The following TTC17 variants were observed in gnomAD, a reference collection of about 807,000 sequenced individuals.
The protein encoded by TTC17 is tetratricopeptide repeat protein 17.
TTC17 carries 58 observed loss-of-function variants against 143.8 expected under a neutral mutation model. The observed-to-expected ratio is 0.40, with a 90% CI of 0.33 to 0.50. TTC17 has a LOEUF of 0.50. Ranked by LOEUF, TTC17 falls within the 20% of genes least tolerant of loss-of-function variation. The probability of loss-of-function intolerance (pLI) is 0.49; values close to 1 mark genes in which losing one functional copy is unlikely to be tolerated. For synonymous variants in TTC17, 501 were observed against 497.8 expected, an observed-to-expected ratio of 1.01 and a Z score of -0.09; for missense variants, 1,273 against 1,392.5, an observed-to-expected ratio of 0.91 and a Z score of 1.37.
chr11:43,444,905 G>A (rs2134735433), intron 18 of TTC17, among the ~76,000 whole-genome samples: 1 of 152,214 alleles, frequency 6.6e-6, no homozygotes, highest in African/African-American at 2.4e-5. Context: ...TTTTGCGGCA[G>A]TCTGACTAGA....
intron 16 of TTC17, among the ~76,000 whole-genome samples, chr11:43,431,716 C>G (rs953257038): frequency 6.6e-6 from 1 of 152,176 alleles, no homozygotes; most frequent in African/African-American, 2.4e-5. Flanking sequence ...TTATTAAGCT[C>G]AATTTGCAGC....
chr11:43,399,334 A>T (rs1217099332), intron 8 of TTC17, among the ~76,000 whole-genome samples: 1 of 152,214 alleles, frequency 6.6e-6, no homozygotes, highest in Non-Finnish European at 1.5e-5. Flanking sequence ...GTATTTTTTT[A>T]TGGCACCTGA....
intron 15 of TTC17, among the ~76,000 whole-genome samples, chr11:43,412,282 A>G (rs547865350): frequency 1.3e-5 from 2 of 152,056 alleles, no homozygotes; most frequent in African/African-American, 2.4e-5. Flanking sequence ...CTAGGAGCTC[A>G]GTACCAGCCT....
intron 16 of TTC17, among the ~76,000 whole-genome samples, chr11:43,434,771 TAAAAC>T (rs916159727): frequency 4.6e-5 from 7 of 152,200 alleles, no homozygotes; most frequent in South Asian, 4.1e-4. Flanking sequence ...CTAAAACTCT[TAAAAC>T]AAAGAATCCT....
In TTC17 at chr11:43,459,374, T is replaced by G. The variant is rs556474181; in HGVS notation, c.3030+8109T>G. Among the ~76,000 whole-genome samples, 13 of 152,372 alleles carry G rather than the reference T, an allele frequency of 8.5e-5. No homozygotes were observed. The South Asian group carries it at 2.5e-3, about 29-fold the overall frequency. On this transcript the variant is annotated intron_variant, in intron 21 of 23. Coordinates refer to ENST00000039989, the MANE Select transcript of TTC17 (RefSeq NM_018259.6). ...TTTCTCAGTTCTTGACTTTTTTCTT[T>G]GAGCTGTCTTTCCTTTTCCATGAGA...
At chr11:43,404,170 A>AGTT (rs1565148441) in intron 11 of TTC17, 26 bp downstream of exon 11, 1 of 1,587,624 alleles carries the variant, frequency 6.3e-7, no homozygotes, top group South Asian at 1.2e-5. Flanking sequence ...ATGACGAAGC[A>AGTT]GTTTTCTCAA....
At chr11:43,440,318 A>G (rs1437181410) in intron 16 of TTC17, among the ~76,000 whole-genome samples, 1 of 152,218 alleles carries the variant, frequency 6.6e-6, no homozygotes, top group African/African-American at 2.4e-5. Context: ...ATTAATGACA[A>G]GTGTCTACAA....
At chr11:43,467,334 C>T (rs1396444445) in intron 21 of TTC17, among the ~76,000 whole-genome samples, 2 of 152,088 alleles carry the variant, frequency 1.3e-5, no homozygotes, top group African/African-American at 4.8e-5. Context: ...ATGAATACAG[C>T]CTTAAAAAGG....
In TTC17 at chr11:43,464,826, G is replaced by T. The variant is rs118163974; in HGVS notation, c.3030+13561G>T. ...CCTTTAAAAGTCATGCAGGGCTAGA[G>T]AAATAAGATTGGATACTAGAAAGGC... On this transcript the variant is annotated intron_variant, in intron 21 of 23. Transcript: ENST00000039989. 4.2e-3 allele frequency among the ~76,000 whole-genome samples: 633 copies of T among 152,278 alleles called. 3 individuals carry two copies. The highest frequency in any genetic ancestry group is 6.1e-3 in the Non-Finnish European group (417 of 68,030).
intron 16 of TTC17, among the ~76,000 whole-genome samples, chr11:43,442,110 G>T (rs1184930917): frequency 6.6e-6 from 1 of 152,156 alleles, no homozygotes; most frequent in East Asian, 1.9e-4. Flanking sequence ...GCATGTTTAT[G>T]TACTGCAATA....
chr11:43,452,531 G>GAA (rs1478961174), intron 21 of TTC17, among the ~76,000 whole-genome samples: 1 of 151,604 alleles, frequency 6.6e-6, no homozygotes, highest in Non-Finnish European at 1.5e-5. Context: ...ATGAATGAAT[G>GAA]AGTGAATGAA....
intron 21 of TTC17, among the ~76,000 whole-genome samples, chr11:43,479,604 G>C (rs1425068487): frequency 6.6e-6 from 1 of 152,188 alleles, no homozygotes; most frequent in Non-Finnish European, 1.5e-5. Flanking sequence ...CTACAAAATA[G>C]CAAAGGCAAA....
chr11:43,445,786 A>G (rs1359974108), intron 18 of TTC17: 1 of 596,680 alleles, frequency 1.7e-6, no homozygotes, highest in Non-Finnish European at 3.0e-6. Flanking sequence ...AATCAGCTTC[A>G]TGATGAATCC....
At chr11:43,436,775 C>A (rs921935350) in intron 16 of TTC17, among the ~76,000 whole-genome samples, 19 of 152,188 alleles carry the variant, frequency 1.2e-4, no homozygotes, top group Admixed American at 1.0e-3. Flanking sequence ...CGCATGACTT[C>A]TTTTTAGTAT....
At chr11:43,379,123 C>T (rs573675446) in intron 1 of TTC17, 110 bp from the exon 2 acceptor site, 95 of 1,003,990 alleles carry the variant, frequency 9.5e-5, no homozygotes, top group Admixed American at 2.4e-4. Flanking sequence ...TGAGGAATAA[C>T]GCTGATTACA....
chr11:43,374,939 T>C (rs1856707387), intron 1 of TTC17, among the ~76,000 whole-genome samples: 1 of 152,088 alleles, frequency 6.6e-6, no homozygotes, highest in Non-Finnish European at 1.5e-5. Context: ...ACAGTAGTAA[T>C]AAGATGCCCT....
chr11:43,482,557 T>C (rs1418889735), intron 21 of TTC17, among the ~76,000 whole-genome samples: 2 of 152,146 alleles, frequency 1.3e-5, no homozygotes, highest in Non-Finnish European at 2.9e-5. Flanking sequence ...CTTTGTATGA[T>C]TTGAATTCTT....
intron 21 of TTC17, among the ~76,000 whole-genome samples, chr11:43,461,136 G>A (rs929999153): frequency 5.3e-5 from 8 of 152,176 alleles, no homozygotes; most frequent in African/African-American, 1.4e-4. Flanking sequence ...TGTAATCCCA[G>A]CACTTTGGGA....
At chr11:43,383,519 A>ATTT (rs779691168) in intron 2 of TTC17, among the ~76,000 whole-genome samples, 1 of 138,582 alleles carries the variant, frequency 7.2e-6, no homozygotes. Context: ...CGCCTGGCTA[A>ATTT]TTTTTTTTTT....
Sources: gnomAD v4.1 joint callset for allele counts (sites outside exome capture counted in the v4.1 genomes callset) on GRCh38, gnomAD v4.1.1 for gene constraint, MANE v1.5 for transcripts, NCBI Gene and HGNC (gene_info 2026-07-23, HGNC 2026-07-21) for gene names.